The following FAT3 variants were observed in gnomAD, a reference collection of about 807,000 sequenced individuals.
FAT3 encodes the protein protocadherin Fat 3.
FAT3 carries 95 observed loss-of-function variants against 310.2 expected under a neutral mutation model. That is an observed-to-expected ratio of 0.31 (90% confidence interval 0.26 to 0.36). The LOEUF is 0.36. Among genes scored for constraint, FAT3 ranks in the 10% least tolerant of loss-of-function variants. The pLI is 1.00. For synonymous variants in FAT3, 2,314 were observed against 2,192.9 expected, an observed-to-expected ratio of 1.06 and a Z score of -1.54; for missense variants, 5,408 against 5,715.6, an observed-to-expected ratio of 0.95 and a Z score of 1.74.
At chr11:92,486,130 G>GGTTTTTTTTTTTTTTTTTTTTT (rs1952381514) in intron 2 of FAT3, among the ~76,000 whole-genome samples, 1 of 37,126 alleles carries the variant, frequency 2.7e-5, no homozygotes, top group African/African-American at 8.7e-5. Context: ...GGCTGCTGGG[G>GGTTTTTTTTTTTTTTTTTTTTT]TTTTTTTTTT....
rs761227263 is a variant in FAT3 at position 92,883,013 on chromosome 11, GCAA to G, written c.12563_12565del (p.Asn4188del). On this transcript the variant is annotated inframe_deletion, in exon 24 of 28. Transcript: ENST00000525166. This position sits in a 1 kb window ranked among gnomAD's most constrained non-coding sequence, Gnocchi z 4.2. ...AAGGTCTTCCGCAAGAACTACTCCC[GCAA>G]CAACATCACGCTAGTGCAGGACCCG... 1.9e-6 allele frequency: 3 copies of G among 1,613,762 alleles called. No homozygotes were observed. Among genetic ancestry groups the G allele is most frequent in the East Asian group, 2.2e-5 (1 of 44,880 alleles).
chr11:92,797,923 T>G lies in FAT3; in HGVS notation c.4910T>G (p.Phe1637Cys), dbSNP rs1591746284. Reference protein sequence around the residue: ...KEPDMTTMGQFVLSIKVTDQG... With the variant: ...KEPDMTTMGQCVLSIKVTDQG... ...CCAGACATGACGACGATGGGTCAGT[T>G]TGTCCTATCCATCAAAGTCACAGAT... The change falls in exon 10 of 28, where the codon TTT becomes TGT. Residue 1637 changes from phenylalanine (F) to cysteine (C), a missense_variant. By Grantham distance (205) the Phe-to-Cys change is radical. Coordinates refer to ENST00000525166, the MANE Select transcript of FAT3 (RefSeq NM_001367949.2). 6.2e-7 allele frequency: 1 copy of G among 1,613,932 alleles called. No individual in the cohort carries two copies. Among genetic ancestry groups the G allele is most frequent in the Non-Finnish European group, 8.5e-7 (1 of 1,179,846 alleles).
At chr11:92,644,220 C>T (rs780937085) in intron 3 of FAT3, among the ~76,000 whole-genome samples, 2 of 152,212 alleles carry the variant, frequency 1.3e-5, no homozygotes, top group African/African-American at 4.8e-5. Context: ...AAAAGTGCCT[C>T]CCTAGTGCCA....
chr11:92,653,365 C>A (rs1483330627), intron 3 of FAT3, among the ~76,000 whole-genome samples: 1 of 152,086 alleles, frequency 6.6e-6, no homozygotes, highest in Non-Finnish European at 1.5e-5. Context: ...CAGTGGCCCA[C>A]ATCTGCTGCC....
At position 92,843,850 on chromosome 11, in the gene FAT3, G is replaced by T. The variant is rs539571363; in HGVS notation, c.10567-84G>T. On this transcript the variant is annotated intron_variant, in intron 18 of 27. Coordinates refer to ENST00000525166, the MANE Select transcript of FAT3 (RefSeq NM_001367949.2). The stretch of plus-strand genomic sequence containing the variant: ...AGGAAGAAGCAAACGTAAAGGTACA[G>T]ACGTCTTCTATCTGCGGGTTTTTAA... 10 of 1,269,288 alleles carry T rather than the reference G, an allele frequency of 7.9e-6. No individual in the cohort carries two copies. The South Asian group carries it at 1.3e-4, about 17-fold the overall frequency. 78.6% of individuals were successfully genotyped at this position (1,269,288 alleles called of 1,614,324 possible).
intron 3 of FAT3, among the ~76,000 whole-genome samples, chr11:92,649,362 T>G (rs1459583807): frequency 6.6e-6 from 1 of 152,226 alleles, no homozygotes; most frequent in Admixed American, 6.5e-5. Context: ...TGCTTGTACT[T>G]TATCTGCAAC....
rs1376291754 is a variant in FAT3, at chr11:92,524,725, C to G, written c.3384C>G (p.Leu1128=). The G allele has an allele frequency of 2.5e-6, 4 of 1,613,714 alleles. No homozygotes were observed. Among genetic ancestry groups the G allele is most frequent in the Admixed American group, 3.3e-5 (2 of 59,966 alleles). The change falls in exon 3 of 28, where the codon CTC becomes CTG. Residue 1128 remains leucine (L), a synonymous_variant. Transcript: ENST00000525166. ...VYATDRGVVP[L]YSTIEVYIEV... The stretch of plus-strand genomic sequence containing the variant: ...CCACAGACAGGGGCGTTGTTCCACT[C>G]TACTCCACCATTGAGGTCTACATTG...
intron 13 of FAT3, among the ~76,000 whole-genome samples, chr11:92,827,067 A>C (rs1948121175): frequency 6.6e-6 from 1 of 152,234 alleles, no homozygotes; most frequent in Non-Finnish European, 1.5e-5. Context: ...TCTCAGATTT[A>C]AAACTAAGTT....
chr11:92,321,898 G>T (rs1163510860), intron 1 of FAT3, among the ~76,000 whole-genome samples: 2 of 152,150 alleles, frequency 1.3e-5, no homozygotes, highest in Non-Finnish European at 2.9e-5. Context: ...TTTGTTTCAA[G>T]AGAGTATAAA....
chr11:92,653,295 A>G (rs535995929), intron 3 of FAT3, among the ~76,000 whole-genome samples: 2 of 152,218 alleles, frequency 1.3e-5, no homozygotes, highest in East Asian at 3.9e-4. Context: ...ACCTATTTGA[A>G]TGCCCGAGCC....
chr11:92,584,343 C>T (rs1939014673), intron 3 of FAT3, among the ~76,000 whole-genome samples: 1 of 151,968 alleles, frequency 6.6e-6, no homozygotes, highest in Non-Finnish European at 1.5e-5. Flanking sequence ...TATTTTTAAT[C>T]ATTTTTTAAA....
chr11:92,367,614 G>A (rs889698071), intron 2 of FAT3, among the ~76,000 whole-genome samples: 3 of 152,092 alleles, frequency 2.0e-5, no homozygotes, highest in African/African-American at 7.2e-5. Context: ...TTGGATGACA[G>A]AGTGAGACCT....
chr11:92,732,301 A>G (rs2852399), intron 4 of FAT3, among the ~76,000 whole-genome samples: 40,162 of 151,994 alleles, frequency 0.26, 6,868 homozygotes, highest in African/African-American at 0.49. Context: ...ACATAGAGGA[A>G]AAGCTTATAG....
At chr11:92,478,811 A>G (rs1186369894) in intron 2 of FAT3, among the ~76,000 whole-genome samples, 1 of 151,966 alleles carries the variant, frequency 6.6e-6, no homozygotes, top group East Asian at 1.9e-4. Context: ...TTTAGTAGAG[A>G]TGGGGTTTCA....
intron 2 of FAT3, among the ~76,000 whole-genome samples, chr11:92,463,550 A>G (rs190405913): frequency 2.0e-5 from 3 of 152,220 alleles, no homozygotes; most frequent in Non-Finnish European, 2.9e-5. Flanking sequence ...ACTATTTAGC[A>G]TAGTGACTAG....
intron 1 of FAT3, among the ~76,000 whole-genome samples, chr11:92,286,010 G>A (rs541921591): frequency 2.7e-4 from 41 of 152,214 alleles, no homozygotes; most frequent in South Asian, 1.0e-3. Context: ...GCTTTTCCCC[G>A]AGATGAGAGT....
At chr11:92,863,172 T>A (rs1949161643) in intron 21 of FAT3, among the ~76,000 whole-genome samples, 1 of 152,294 alleles carries the variant, frequency 6.6e-6, no homozygotes, top group South Asian at 2.1e-4. Context: ...GGTCTCAAAC[T>A]GATCACTTGA....
At chr11:92,406,089 C>T (rs1022194912) in intron 2 of FAT3, among the ~76,000 whole-genome samples, 4 of 151,956 alleles carry the variant, frequency 2.6e-5, no homozygotes, top group African/African-American at 4.8e-5. Flanking sequence ...AGTACGTGTG[C>T]TTGATTGATA....
chr11:92,875,449 C>T (rs1169225330), intron 22 of FAT3, among the ~76,000 whole-genome samples: 1 of 150,950 alleles, frequency 6.6e-6, no homozygotes, highest in Non-Finnish European at 1.5e-5. Context: ...CATGACAAAG[C>T]AATCAGCTTC....
Sources: gnomAD v4.1 joint callset for allele counts (sites outside exome capture counted in the v4.1 genomes callset) on GRCh38, gnomAD v4.1.1 for gene constraint, Gnocchi (gnomAD v3.1) non-coding constraint, MANE v1.5 for transcripts, NCBI Gene and HGNC (gene_info 2026-07-23, HGNC 2026-07-21) for gene names.